The following CPED1 variants were observed in gnomAD, a reference collection of about 807,000 sequenced individuals.
The protein encoded by CPED1 is cadherin-like and PC-esterase domain-containing protein 1.
A neutral mutation model predicts 128.2 loss-of-function variants in CPED1; 114 were observed. The ratio of observed to expected loss-of-function variants is 0.89; its 90% CI spans 0.76 to 1.04. The LOEUF (loss-of-function observed/expected upper bound fraction) is 1.04, where lower values mean the gene tolerates loss of function less well. CPED1 is among the 50% of genes least tolerant of loss of function. The pLI, the probability that CPED1 is intolerant of heterozygous loss-of-function variation, is 0.00. For synonymous variants in CPED1, 462 were observed against 426.7 expected (o/e 1.08, Z -1.02); for missense variants, 1,211 against 1,207.1 (o/e 1.00, Z -0.05).
intron 3 of CPED1, among the ~76,000 whole-genome samples, chr7:121,037,521 A>G (rs986250048): frequency 6.6e-5 from 10 of 152,152 alleles, no homozygotes; most frequent in African/African-American, 2.4e-4. Flanking sequence ...TACTAGTACC[A>G]TGCCATTTTG....
At chr7:121,125,942 C>A in intron 9 of CPED1, 50 bp downstream of exon 9, 1 of 1,271,466 alleles carries the variant, frequency 7.9e-7, no homozygotes, top group Non-Finnish European at 1.1e-6. Context: ...GGTGAGAGAT[C>A]AGTGTGTGTG....
intron 22 of CPED1, among the ~76,000 whole-genome samples, chr7:121,294,191 A>C (rs1562865553): frequency 1.3e-5 from 2 of 152,174 alleles, no homozygotes; most frequent in African/African-American, 4.8e-5. Flanking sequence ...AGTAGACTAC[A>C]AATGTAGCCT....
At position 121,139,297 on chromosome 7, in the gene CPED1, A is replaced by G. The variant is rs576450374; in HGVS notation, c.1700-1530A>G. ...ATTTTTTATGAAATAAAATTACAGT[A>G]TATCTATTGTATTATTATTGTTCAT... On this transcript the variant is annotated intron_variant, in intron 14 of 22. Coordinates refer to ENST00000310396, the MANE Select transcript of CPED1 (RefSeq NM_024913.5). 3.9e-5 allele frequency among the ~76,000 whole-genome samples: 6 copies of G among 152,144 alleles called. No individual in the cohort carries two copies. The South Asian group carries it at 1.2e-3, about 32-fold the overall frequency.
rs541681930 is a variant in CPED1, at chr7:121,015,738, G to A, written c.323G>A (p.Ser108Asn). Residue 108 changes from serine (S) to asparagine (N), a missense_variant, in exon 3 of 23, where the codon AGC becomes AAC. Transcript: ENST00000310396. The part of the protein sequence containing the change: ...RAILYRPPFY[S>N]KTELQLHQHI... ...ATACTCTACAGGCCTCCTTTCTACA[G>A]CAAAACAGAGCTTCAGCTACACCAG... 6.2e-7 allele frequency: 1 copy of A among 1,611,704 alleles called. No homozygotes were observed. The highest frequency in any genetic ancestry group is 8.5e-7 in the Non-Finnish European group (1 of 1,179,182).
At chr7:121,191,694 A>G (rs1328177487) in intron 16 of CPED1, among the ~76,000 whole-genome samples, 1 of 152,138 alleles carries the variant, frequency 6.6e-6, no homozygotes, top group Non-Finnish European at 1.5e-5. Context: ...CAGAACTCTG[A>G]GAAGTATATC....
chr7:121,111,911 A>T (rs1054897093), intron 7 of CPED1, among the ~76,000 whole-genome samples: 7 of 152,180 alleles, frequency 4.6e-5, no homozygotes. Context: ...ATTATTTCTC[A>T]TGGTTCTATA....
chr7:121,105,659 A>G (rs1173131115), intron 7 of CPED1, among the ~76,000 whole-genome samples: 1 of 152,176 alleles, frequency 6.6e-6, no homozygotes, highest in South Asian at 2.1e-4. Context: ...AATTATAAAT[A>G]ACCAGCATGT....
intron 16 of CPED1, among the ~76,000 whole-genome samples, chr7:121,148,357 T>C (rs1036700739): frequency 6.6e-6 from 1 of 152,192 alleles, no homozygotes; most frequent in African/African-American, 2.4e-5. Context: ...GTAGAACTTT[T>C]GTTATGTGCC....
chr7:121,052,880 C>T (rs1166308008), intron 4 of CPED1, among the ~76,000 whole-genome samples: 1 of 151,986 alleles, frequency 6.6e-6, no homozygotes, highest in African/African-American at 2.4e-5. Context: ...CATCACCACA[C>T]CTAATTTTTT....
chr7:121,133,729 T>A (rs34385410), intron 12 of CPED1, 94 bp from the exon 13 acceptor site: 79,821 of 806,386 alleles, frequency 0.099, 4,436 homozygotes, highest in South Asian at 0.14. Context: ...AAAGTAACTG[T>A]GCCCATACAG....
At chr7:121,079,931 C>A (rs760995333) in intron 5 of CPED1, among the ~76,000 whole-genome samples, 1 of 152,136 alleles carries the variant, frequency 6.6e-6, no homozygotes, top group Non-Finnish European at 1.5e-5. Context: ...AGGATTCTGA[C>A]AATTAATTCT....
intron 5 of CPED1, among the ~76,000 whole-genome samples, chr7:121,073,601 C>G (rs529874871): frequency 2.0e-5 from 3 of 152,286 alleles, no homozygotes; most frequent in African/African-American, 7.2e-5. Flanking sequence ...GTAATGCGAA[C>G]CCTTCTTCCA....
intron 7 of CPED1, among the ~76,000 whole-genome samples, chr7:121,118,991 G>A (rs1795318909): frequency 6.6e-6 from 1 of 152,092 alleles, no homozygotes; most frequent in African/African-American, 2.4e-5. Context: ...GATATTTGGT[G>A]GGGACATATA....
chr7:121,295,900 T>A lies in CPED1; in HGVS notation c.*248T>A, dbSNP rs1241480201. ...AGTGAAAGATATACCTAGAGAAACG[T>A]TACTTGAAGCATAATTATTAACCAG... On this transcript the variant is annotated 3_prime_UTR_variant, in exon 23 of 23. Transcript: ENST00000310396. 12 of 371,544 alleles carry A rather than the reference T, an allele frequency of 3.2e-5. No individual in the cohort carries two copies. Among genetic ancestry groups the A allele is most frequent in the Non-Finnish European group, 5.4e-5 (11 of 204,378 alleles). The allele number at this position is 371,544 out of a possible 1,614,324, so 23.0% of individuals were successfully genotyped here. A position where few individuals can be genotyped will look rare whatever the true frequency, so the allele number is the denominator to read the frequency against.
chr7:120,997,939 AAATAAAAT>A lies in CPED1; in HGVS notation c.249+8072_249+8079del, dbSNP rs1796437400. Among the ~76,000 whole-genome samples, 20 of 130,340 alleles carry A rather than the reference AAATAAAAT, an allele frequency of 1.5e-4. 1 individual carries two copies. Among genetic ancestry groups the A allele is most frequent in the African/African-American group, 6.6e-4 (19 of 28,782 alleles). 85.5% of individuals were successfully genotyped at this position (130,340 alleles called of 152,430 possible). A position where few individuals can be genotyped will look rare whatever the true frequency, so the allele number is the denominator to read the frequency against. On this transcript the variant is annotated intron_variant, in intron 2 of 22. Transcript: ENST00000310396. ...CTCGGTCTCGAAAAAAAATAAAATA[AAATAAAAT>A]AAAATAAAATAAAATAAAATAAAAT...
intron 22 of CPED1, among the ~76,000 whole-genome samples, chr7:121,291,156 G>A (rs1792692606): frequency 6.6e-6 from 1 of 152,152 alleles, no homozygotes; most frequent in Non-Finnish European, 1.5e-5. Context: ...TGTTCCATTG[G>A]TCTATGTATC....
intron 5 of CPED1, among the ~76,000 whole-genome samples, chr7:121,067,358 TGTG>T (rs1230050421): frequency 6.6e-6 from 1 of 151,944 alleles, no homozygotes; most frequent in Non-Finnish European, 1.5e-5. Flanking sequence ...AGTGAGAACA[TGTG>T]GTGTTTGTTT....
chr7:121,125,770 T>C, intron 8 of CPED1, 50 bp from the exon 9 acceptor site: 1 of 1,341,116 alleles, frequency 7.5e-7, no homozygotes. Flanking sequence ...TTAATAAACA[T>C]CCATGTGCAT....
chr7:121,144,044 C>T (rs1401915973), intron 16 of CPED1, among the ~76,000 whole-genome samples: 1 of 151,952 alleles, frequency 6.6e-6, no homozygotes, highest in African/African-American at 2.4e-5. Context: ...ATAATGAATG[C>T]TAGCAAGGAT....
Sources: gnomAD v4.1 joint callset for allele counts (sites outside exome capture counted in the v4.1 genomes callset) on GRCh38, gnomAD v4.1.1 for gene constraint, MANE v1.5 for transcripts, NCBI Gene and HGNC (gene_info 2026-07-23, HGNC 2026-07-21) for gene names.